TCF12: variants seen among roughly 807,000 people sequenced by gnomAD.
TCF12 encodes DNA-binding protein HTF4.
Under a neutral mutation model 86.0 loss-of-function variants are expected in TCF12, and 45 were observed. That is an observed-to-expected ratio of 0.52 (90% CI 0.41 to 0.67). TCF12 has a LOEUF of 0.67. Among genes scored for constraint, TCF12 ranks in the 30% least tolerant of loss-of-function variants. TCF12 has a pLI of 0.00. For synonymous variants in TCF12, 330 were observed against 299.6 expected, an observed-to-expected ratio of 1.10 and a Z score of -1.05; for missense variants, 881 against 859.9, an observed-to-expected ratio of 1.02 and a Z score of -0.31.
intron 7 of TCF12, 28 bp from the exon 8 acceptor site, chr15:57,197,745 G>A: frequency 6.2e-7 from 1 of 1,611,792 alleles, no homozygotes; most frequent in Non-Finnish European, 8.5e-7. Context: ...ATATTATGCT[G>A]AAGAAATGTA....
At chr15:57,071,377 G>C (rs12917247) in intron 4 of TCF12, among the ~76,000 whole-genome samples, 58,535 of 151,868 alleles carry the variant, frequency 0.39, 14,096 homozygotes, top group Non-Finnish European at 0.53. Context: ...AAAGTTGCTG[G>C]TTCACACCTG....
intron 4 of TCF12, among the ~76,000 whole-genome samples, chr15:57,074,205 C>T (rs969053366): frequency 1.4e-4 from 22 of 152,010 alleles, no homozygotes; most frequent in Non-Finnish European, 1.3e-4. Context: ...GAGTTAATTC[C>T]CGAGCCTCAG....
chr15:57,250,943 G>A (rs966160166), intron 13 of TCF12, among the ~76,000 whole-genome samples: 6 of 141,826 alleles, frequency 4.2e-5, no homozygotes, highest in African/African-American at 1.5e-4. Flanking sequence ...CAGACTAGGT[G>A]TAGAGAATAA....
intron 5 of TCF12, among the ~76,000 whole-genome samples, chr15:57,124,949 GGCATGA>G (rs1256612662): frequency 6.6e-6 from 1 of 152,134 alleles, no homozygotes; most frequent in Non-Finnish European, 1.5e-5. Flanking sequence ...TGGGATTACA[GGCATGA>G]GCCACCGCAC....
intron 12 of TCF12, among the ~76,000 whole-genome samples, chr15:57,236,488 G>A (rs1275479868): frequency 3.3e-5 from 5 of 152,136 alleles, no homozygotes; most frequent in Non-Finnish European, 5.9e-5. Context: ...TCTTTAGAAT[G>A]TGACGCTTTT....
Position 57,033,997 on chromosome 15 carries a change from A to C in TCF12, c.149-29753A>C, listed in dbSNP as rs984835953. ...TTGTTTAATGGTATCCTGGTGATGA[A>C]ATTGAGACATAAGTAATATACAGTT... On this transcript the variant is annotated intron_variant, in intron 3 of 20. Transcript: ENST00000333725. 2.0e-5 allele frequency among the ~76,000 whole-genome samples: 3 copies of C among 152,210 alleles called. No homozygotes were observed. In the South Asian group the frequency reaches 6.2e-4, roughly 32 times the overall value.
At chr15:57,140,834 A>G (rs138460950) in intron 5 of TCF12, among the ~76,000 whole-genome samples, 18 of 152,306 alleles carry the variant, frequency 1.2e-4, no homozygotes, top group African/African-American at 4.3e-4. Context: ...TTTGATTTTA[A>G]CCAGTATATT....
At chr15:57,118,475 T>A (rs2050997202) in intron 5 of TCF12, 1 of 152,190 alleles carries the variant, frequency 6.6e-6, no homozygotes. Context: ...TTTCTTTTTT[T>A]GATATACTTT....
rs1401697944 is a variant in TCF12, at chr15:57,092,962, T to C, written c.325+1071T>C. Reference sequence around the variant, plus strand: ...TGCTTTGCACAGTCTTTGTTTCCCTTATTCTCTATAGTGTCGAGGAGACAG... The same window carrying C: ...TGCTTTGCACAGTCTTTGTTTCCCTCATTCTCTATAGTGTCGAGGAGACAG... On this transcript the variant is annotated intron_variant, in intron 5 of 20. Transcript: ENST00000333725. 2.6e-5 allele frequency among the ~76,000 whole-genome samples: 4 copies of C among 152,304 alleles called. No homozygotes were observed. The East Asian group carries it at 7.7e-4, about 29-fold the overall frequency.
At chr15:57,124,349 A>G (rs1438952071) in intron 5 of TCF12, among the ~76,000 whole-genome samples, 3 of 152,220 alleles carry the variant, frequency 2.0e-5, no homozygotes, top group African/African-American at 7.2e-5. Context: ...CAGCTATGAC[A>G]AACAATGCTG....
chr15:57,234,017 G>C, intron 11 of TCF12, 26 bp from the exon 12 acceptor site: 1 of 1,599,684 alleles, frequency 6.3e-7, no homozygotes, highest in Non-Finnish European at 8.6e-7. Context: ...TAAAATTCTT[G>C]ATTTATTTCT....
rs2059724297 is a variant in TCF12 at position 57,243,544 on chromosome 15, C to G, written c.1108C>G (p.Leu370Val). ...PSTPVGSPSP[L>V]TGTSQWPRPG... ...AACACCAGTTGGATCACCTTCACCT[C>G]TCACAGGTAGGCTTCTGTTTTATCT... The change falls in exon 13 of 21, where the codon CTC becomes GTC. Residue 370 changes from leucine (L) to valine (V), a missense_variant. This residue lies in a region of TCF12 where 766 missense variants were observed against 718.9 expected (regional missense o/e 1.07). Coordinates refer to ENST00000333725, the MANE Select transcript of TCF12 (RefSeq NM_207037.2). 6 of 1,613,426 alleles carry G rather than the reference C, an allele frequency of 3.7e-6. No individual in the cohort carries two copies. In the East Asian group the frequency reaches 1.3e-4, roughly 36 times the overall value.
chr15:56,918,126 C>G, upstream of TCF12: 1 of 445,608 alleles, frequency 2.2e-6, no homozygotes. Flanking sequence ...CGTCTCCACA[C>G]GCGCGGTGTC....
At chr15:57,054,244 T>A (rs1466750905) in intron 3 of TCF12, among the ~76,000 whole-genome samples, 1 of 152,174 alleles carries the variant, frequency 6.6e-6, no homozygotes, top group East Asian at 1.9e-4. Flanking sequence ...ATTAAGTTAA[T>A]AATAGTAATT....
intron 6 of TCF12, among the ~76,000 whole-genome samples, chr15:57,172,325 T>G (rs2055571834): frequency 1.3e-5 from 2 of 152,228 alleles, no homozygotes; most frequent in South Asian, 2.1e-4. Flanking sequence ...CTTAGCAGTT[T>G]GCAGAATAAC....
intron 5 of TCF12, among the ~76,000 whole-genome samples, chr15:57,118,607 G>A (rs972402299): frequency 2.6e-5 from 4 of 152,118 alleles, no homozygotes; most frequent in African/African-American, 4.8e-5. Flanking sequence ...GTTAGTGGTT[G>A]CGTTTTCAGT....
At chr15:57,127,300 C>CT (rs1191369509) in intron 5 of TCF12, among the ~76,000 whole-genome samples, 4 of 151,096 alleles carry the variant, frequency 2.6e-5, no homozygotes, top group African/African-American at 7.3e-5. Context: ...ACTCTTTCTT[C>CT]TTTTTTTTTA....
Position 57,262,129 on chromosome 15 carries a change from T to C in TCF12, c.1503T>C (p.Asn501=). 1.9e-6 allele frequency: 3 copies of C among 1,613,624 alleles called. No homozygotes were observed. The highest frequency in any genetic ancestry group is 2.5e-6 in the Non-Finnish European group (3 of 1,179,714). ...GTHREDSVSL[N]GNHSVLSSTV... is the part of the protein sequence containing the mutation. The stretch of plus-strand genomic sequence containing the variant: ...ATCGGGAAGACTCTGTCAGTCTCAA[T>C]GGCAATCATTCAGTCCTGTCTAGTA... The change falls in exon 17 of 21, where the codon AAT becomes AAC. Residue 501 remains asparagine (N), a synonymous_variant. Transcript: ENST00000333725.
At chr15:57,198,530 G>T (rs534435841) in intron 8 of TCF12, among the ~76,000 whole-genome samples, 1 of 152,304 alleles carries the variant, frequency 6.6e-6, no homozygotes, top group South Asian at 2.1e-4. Flanking sequence ...AGGGGCGACT[G>T]TGCTATTAAA....
Sources: gnomAD v4.1 joint callset for allele counts (sites outside exome capture counted in the v4.1 genomes callset) on GRCh38, gnomAD v4.1.1 for gene constraint, gnomAD v4.1.1 regional missense constraint, MANE v1.5 for transcripts, NCBI Gene and HGNC (gene_info 2026-07-23, HGNC 2026-07-21) for gene names.